RPTOR: variants seen among roughly 807,000 people sequenced by gnomAD.
RPTOR encodes the protein regulatory associated protein of MTOR complex 1.
In RPTOR, 21 loss-of-function variants were observed where a neutral mutation model predicts 169.9. The observed-to-expected ratio is 0.12, with a 90% CI of 0.09 to 0.18. The LOEUF (loss-of-function observed/expected upper bound fraction) is 0.18. Ranked by LOEUF, RPTOR falls within the 10% of genes least tolerant of loss-of-function variation. RPTOR has a pLI of 1.00. For synonymous variants in RPTOR, 732 were observed against 753.2 expected (o/e 0.97, Z 0.46); for missense variants, 1,133 against 1,855.9 (o/e 0.61, Z 7.16).
intron 11 of RPTOR, among the ~76,000 whole-genome samples, chr17:80,847,131 C>T (rs955544482): frequency 2.6e-5 from 4 of 152,260 alleles, no homozygotes; most frequent in African/African-American, 9.6e-5. Context: ...ATCCGGAAGC[C>T]GGCAGCCCTT....
intron 11 of RPTOR, among the ~76,000 whole-genome samples, chr17:80,852,633 A>G (rs969649557): frequency 6.6e-6 from 1 of 152,038 alleles, no homozygotes; most frequent in African/African-American, 2.4e-5. Context: ...AAGGCTGGAC[A>G]TGCTGGGATC....
chr17:80,592,163 A>G (rs893069790), intron 1 of RPTOR, among the ~76,000 whole-genome samples: 1 of 152,244 alleles, frequency 6.6e-6, no homozygotes. Context: ...CCTAGTTCAG[A>G]AATAGAAGGC....
At chr17:80,770,634 C>T (rs2066833561) in intron 6 of RPTOR, among the ~76,000 whole-genome samples, 1 of 152,196 alleles carries the variant, frequency 6.6e-6, no homozygotes, top group Admixed American at 6.5e-5. Flanking sequence ...CACATCTTCT[C>T]TGTTACTGTT....
At chr17:80,641,737 C>CTCTGGTTTCCA (rs2065555985) in intron 2 of RPTOR, among the ~76,000 whole-genome samples, 1 of 152,120 alleles carries the variant, frequency 6.6e-6, no homozygotes, top group Admixed American at 6.5e-5. Flanking sequence ...GGAGCCTTAG[C>CTCTGGTTTCCA]GAGTTGTAAT....
intron 9 of RPTOR, among the ~76,000 whole-genome samples, chr17:80,836,153 C>T (rs1386385106): frequency 7.9e-4 from 121 of 152,214 alleles, no homozygotes; most frequent in Non-Finnish European, 1.0e-4. Flanking sequence ...CCCTCATCCT[C>T]CGGGCGAGGC....
intron 3 of RPTOR, among the ~76,000 whole-genome samples, chr17:80,692,826 G>T (rs2066004219): frequency 6.6e-6 from 1 of 152,198 alleles, no homozygotes; most frequent in African/African-American, 2.4e-5. Context: ...TGAGTCCAAA[G>T]TTAAATACAC....
chr17:80,920,631 C>G (rs939877643), intron 21 of RPTOR, among the ~76,000 whole-genome samples: 2 of 152,244 alleles, frequency 1.3e-5, no homozygotes, highest in Non-Finnish European at 2.9e-5. Context: ...GGGAGCTGCA[C>G]AGACCCCAGG....
intron 4 of RPTOR, chr17:80,709,003 C>T (rs374896250): frequency 1.4e-5 from 14 of 985,632 alleles, no homozygotes; most frequent in African/African-American, 1.0e-4. Flanking sequence ...GTCCCGGGTT[C>T]GCAGCTAGCA....
intron 23 of RPTOR, chr17:80,923,967 T>C (rs549916001): frequency 1.2e-4 from 52 of 430,314 alleles, no homozygotes; most frequent in Non-Finnish European, 2.0e-4. Flanking sequence ...CTGGTTCTGG[T>C]TTCACCATTC....
At chr17:80,879,445 A>C (rs989526688) in intron 13 of RPTOR, among the ~76,000 whole-genome samples, 1 of 36,296 alleles carries the variant, frequency 2.8e-5, no homozygotes, top group Non-Finnish European at 5.4e-5. Flanking sequence ...TCCCACTCCC[A>C]CATCCCGGGC....
At chr17:80,630,639 A>G (rs2143549505) in intron 2 of RPTOR, among the ~76,000 whole-genome samples, 1 of 152,376 alleles carries the variant, frequency 6.6e-6, no homozygotes, top group South Asian at 2.1e-4. Flanking sequence ...CACCACATGT[A>G]TAGAGTACTT....
chr17:80,658,902 C>T (rs2065699789), intron 3 of RPTOR, among the ~76,000 whole-genome samples: 1 of 152,162 alleles, frequency 6.6e-6, no homozygotes, highest in Admixed American at 6.5e-5. Context: ...TTTTCTTGTA[C>T]ACATCAGCTT....
rs1358025951 is a variant in RPTOR, at chr17:80,744,791, A to T, written c.655-9219A>T. On this transcript the variant is annotated intron_variant, in intron 5 of 33. Transcript: ENST00000306801. ...CTAGCACTGTCCTGGCTACTAGCAC[A>T]GCCCTGGCTACTAGCACTGTCCTGG... Among the ~76,000 whole-genome samples the T allele has an allele frequency of 1.1e-4, 10 of 91,092 alleles. 1 individual carries two copies. Among genetic ancestry groups the T allele is most frequent in the South Asian group, 2.9e-4 (1 of 3,396 alleles). 59.8% of individuals were successfully genotyped at this position (91,092 alleles called of 152,430 possible).
chr17:80,682,930 A>T (rs958857983), intron 3 of RPTOR, among the ~76,000 whole-genome samples: 1 of 152,050 alleles, frequency 6.6e-6, no homozygotes, highest in Non-Finnish European at 1.5e-5. Flanking sequence ...CCTCCTGAGT[A>T]GCTGGGACCA....
intron 5 of RPTOR, among the ~76,000 whole-genome samples, chr17:80,740,481 G>A (rs2066472540): frequency 6.6e-6 from 1 of 152,042 alleles, no homozygotes; most frequent in Non-Finnish European, 1.5e-5. Flanking sequence ...ATAAAAAACA[G>A]CAAACCAATA....
rs144378496 is a variant in RPTOR at position 80,545,473 on chromosome 17, CTT to C, written c.-154_-153del. 7,053 of 565,424 alleles carry C rather than the reference CTT, an allele frequency of 0.012. 687 individuals carry two copies. The East Asian group carries it at 0.19, about 16-fold the overall frequency. The allele number at this position is 565,424 out of a possible 1,614,324, so 35.0% of individuals were successfully genotyped here. On this transcript the variant is annotated 5_prime_UTR_variant, in exon 1 of 34. Coordinates refer to ENST00000306801, the MANE Select transcript of RPTOR (RefSeq NM_020761.3). The stretch of plus-strand genomic sequence containing the variant: ...CAGAGTTAGAGATAAGGATCTCAGA[CTT>C]TTGCCTGAGTAAGGGTCTCCGCACT...
chr17:80,627,987 C>T (rs750184005), intron 2 of RPTOR, among the ~76,000 whole-genome samples: 15 of 152,008 alleles, frequency 9.9e-5, no homozygotes, highest in Middle Eastern at 3.4e-3. Context: ...TACAAGCATG[C>T]GCCTCCACGC....
Position 80,884,995 on chromosome 17 carries a change from C to A in RPTOR, c.1843-13C>A, listed in dbSNP as rs201345890. Reference sequence around the variant, plus strand: ...GGTGTGGGACATGCCTGTGACCCCCCGCCGCCTTGCAGGTCCGCTGCGCAG... The same window carrying A: ...GGTGTGGGACATGCCTGTGACCCCCAGCCGCCTTGCAGGTCCGCTGCGCAG... On this transcript the variant is annotated splice_polypyrimidine_tract_variant and intron_variant, in intron 16 of 33. Coordinates refer to ENST00000306801, the MANE Select transcript of RPTOR (RefSeq NM_020761.3). 3.7e-6 allele frequency: 6 copies of A among 1,604,788 alleles called. No individual in the cohort carries two copies. Among genetic ancestry groups the A allele is most frequent in the Non-Finnish European group, 5.1e-6 (6 of 1,176,818 alleles).
At chr17:80,838,042 C>G in intron 10 of RPTOR, 45 bp downstream of exon 10, 1 of 1,520,088 alleles carries the variant, frequency 6.6e-7, no homozygotes, top group Admixed American at 1.8e-5. Context: ...GCGGCAGCCA[C>G]TTCTCTGGGC....
Sources: allele counts gnomAD v4.1 joint callset (sites outside exome capture counted in the v4.1 genomes callset), GRCh38; gene constraint gnomAD v4.1.1; transcripts MANE v1.5; gene names NCBI Gene and HGNC (gene_info 2026-07-23, HGNC 2026-07-21).